The following TRIO variants were observed in gnomAD, a reference collection of about 807,000 sequenced individuals.
TRIO encodes the protein triple functional domain protein.
A neutral mutation model predicts 351.9 loss-of-function variants in TRIO; 58 were observed. The observed-to-expected ratio is 0.16, with a 90% CI of 0.13 to 0.21. The LOEUF (loss-of-function observed/expected upper bound fraction) is 0.21. TRIO is among the 10% of genes least tolerant of loss of function. The pLI, the probability that TRIO is intolerant of heterozygous loss-of-function variation, is 1.00. For missense variants in TRIO, 3,201 were observed against 4,027.8 expected (o/e 0.79, Z 5.56); for synonymous variants, 1,758 against 1,595.7 (o/e 1.10, Z -2.42).
At chr5:14,369,563 T>C (rs1264716857) in intron 18 of TRIO, 40 bp downstream of exon 18, 1 of 1,567,568 alleles carries the variant, frequency 6.4e-7, no homozygotes, top group African/African-American at 1.4e-5. Flanking sequence ...CATCAGAGGC[T>C]TCCTGCCTGC....
At position 14,143,549 on chromosome 5, in the gene TRIO, C is replaced by T. The variant is rs1313646917; in HGVS notation, c.-177C>T. Among the ~76,000 whole-genome samples, 1 of 147,020 alleles carries T rather than the reference C, an allele frequency of 6.8e-6. No individual in the cohort carries two copies. The highest frequency in any genetic ancestry group is 6.7e-5 in the Admixed American group (1 of 14,822). The stretch of plus-strand genomic sequence containing the variant: ...CGGGCGGAGTCCTCGTCTATGTGGG[C>T]GCGCTCCTTGGGCCGAGCCGCCGCC... On this transcript the variant is annotated 5_prime_UTR_variant, in exon 1 of 57. Coordinates refer to ENST00000344204, the MANE Select transcript of TRIO (RefSeq NM_007118.4).
intron 33 of TRIO, among the ~76,000 whole-genome samples, chr5:14,418,147 TTAGAA>T (rs1749793424): frequency 6.6e-6 from 1 of 151,896 alleles, no homozygotes. Context: ...AGTGGGGAGC[TTAGAA>T]TAGAGGGGAC....
chr5:14,178,248 T>C (rs1789524910), intron 1 of TRIO, among the ~76,000 whole-genome samples: 1 of 152,156 alleles, frequency 6.6e-6, no homozygotes, highest in South Asian at 2.1e-4. Context: ...GAGAGGTCAT[T>C]TGTAGGTGAT....
At chr5:14,295,352 A>T (rs1166892886) in intron 6 of TRIO, among the ~76,000 whole-genome samples, 1 of 152,242 alleles carries the variant, frequency 6.6e-6, no homozygotes, top group Non-Finnish European at 1.5e-5. Context: ...GCACATTACC[A>T]TATTGATGTC....
intron 8 of TRIO, among the ~76,000 whole-genome samples, chr5:14,314,731 A>G (rs1199587746): frequency 2.0e-5 from 3 of 152,178 alleles, no homozygotes; most frequent in Non-Finnish European, 2.9e-5. Flanking sequence ...CCACCACCCA[A>G]ATCAATCATG....
At chr5:14,145,659 C>T (rs545435156) in intron 1 of TRIO, among the ~76,000 whole-genome samples, 25 of 152,314 alleles carry the variant, frequency 1.6e-4, no homozygotes, top group African/African-American at 5.1e-4. Flanking sequence ...AATTCAGCTC[C>T]TCTCTGTTAG....
chr5:14,221,129 C>T (rs1371098907), intron 1 of TRIO, among the ~76,000 whole-genome samples: 1 of 152,176 alleles, frequency 6.6e-6, no homozygotes, highest in Non-Finnish European at 1.5e-5. Context: ...TGCCTATGTT[C>T]TGTACATGGA....
intron 1 of TRIO, among the ~76,000 whole-genome samples, chr5:14,184,669 T>A (rs1789998172): frequency 6.6e-6 from 1 of 152,140 alleles, no homozygotes; most frequent in Non-Finnish European, 1.5e-5. Context: ...TGATACAAAG[T>A]CTTAATGTAA....
chr5:14,477,928 AT>A (rs1755213763), intron 41 of TRIO, among the ~76,000 whole-genome samples: 2 of 152,144 alleles, frequency 1.3e-5, no homozygotes, highest in African/African-American at 4.8e-5. Context: ...CAAAATTTTA[AT>A]TTTTTGCTTG....
chr5:14,420,896 G>A (rs1205834925), intron 34 of TRIO: 1 of 152,254 alleles, frequency 6.6e-6, no homozygotes, highest in Non-Finnish European at 1.5e-5. Flanking sequence ...TTCCTGTGGT[G>A]TGTTCTTACT....
At chr5:14,360,603 G>T (rs1744059753) in intron 13 of TRIO, among the ~76,000 whole-genome samples, 1 of 152,220 alleles carries the variant, frequency 6.6e-6, no homozygotes, top group Non-Finnish European at 1.5e-5. Flanking sequence ...GGGATGGCAG[G>T]GCTGTGCGTA....
At position 14,479,829 on chromosome 5, in the gene TRIO, G is replaced by T. The variant is rs26173; in HGVS notation, c.6244-90G>T. 7.1e-6 allele frequency: 8 copies of T among 1,133,572 alleles called. No individual in the cohort carries two copies. The highest frequency in any genetic ancestry group is 1.5e-5 in the African/African-American group (1 of 65,072). The allele number at this position is 1,133,572 out of a possible 1,614,324, so 70.2% of individuals were successfully genotyped here. A position where few individuals can be genotyped will look rare whatever the true frequency, so the allele number is the denominator to read the frequency against. ...TTTTTCCTCGTTACTTTTACTGCCA[G>T]TGTTGTAGTCTTTCTGACAATTACA... On this transcript the variant is annotated intron_variant, in intron 42 of 56. Coordinates refer to ENST00000344204, the MANE Select transcript of TRIO (RefSeq NM_007118.4).
chr5:14,371,466 C>T (rs904309671), intron 18 of TRIO, among the ~76,000 whole-genome samples: 4 of 152,106 alleles, frequency 2.6e-5, no homozygotes, highest in African/African-American at 9.7e-5. Context: ...ATATATCTAC[C>T]TTCAGTGGAT....
rs544963336 is a variant in TRIO at position 14,276,466 on chromosome 5, G to A, written c.233-3856G>A. On this transcript the variant is annotated intron_variant, in intron 2 of 56. Coordinates refer to ENST00000344204, the MANE Select transcript of TRIO (RefSeq NM_007118.4). ...CTGTTAGAGCAGGAGCCCCGTGGGC[G>A]TCCTTTTAACAGAGTTGTATTATTT... 1.2e-4 allele frequency among the ~76,000 whole-genome samples: 18 copies of A among 152,368 alleles called. No individual in the cohort carries two copies. The South Asian group carries it at 2.7e-3, about 23-fold the overall frequency.
intron 1 of TRIO, among the ~76,000 whole-genome samples, chr5:14,244,809 T>C (rs967779652): frequency 3.5e-4 from 54 of 152,202 alleles, no homozygotes; most frequent in African/African-American, 5.1e-4. Context: ...TCTGTGAGGA[T>C]TGGGTCAGGC....
chr5:14,482,676 G>A lies in TRIO; in HGVS notation c.6560G>A (p.Arg2187His), dbSNP rs1177557321. 7 of 1,610,634 alleles carry A rather than the reference G, an allele frequency of 4.3e-6. No homozygotes were observed. Among genetic ancestry groups the A allele is most frequent in the Non-Finnish European group, 5.1e-6 (6 of 1,177,906 alleles). The change falls in exon 46 of 57, where the codon CGC becomes CAC. Residue 2187 changes from arginine to histidine, a missense_variant. Arg to His is a conservative substitution (Grantham distance 29, BLOSUM62 0). This residue lies in a region of TRIO where 1,089 missense variants were observed against 954.9 expected (regional missense o/e 1.14). Transcript: ENST00000344204. ...CTTCTGCCTCGCTGCAGAGAGAGGCGCATCTTCCTCTTTGAGCAGATCGTC... is the reference window on the plus strand; with the variant it reads ...CTTCTGCCTCGCTGCAGAGAGAGGCACATCTTCCTCTTTGAGCAGATCGTC... ...AGLLPRCRER[R>H]IFLFEQIVIF...
chr5:14,324,045 G>T (rs1740143692), intron 9 of TRIO, among the ~76,000 whole-genome samples: 1 of 152,176 alleles, frequency 6.6e-6, no homozygotes, highest in African/African-American at 2.4e-5. Flanking sequence ...TGATAGTCCA[G>T]AAAGCTCAGA....
chr5:14,203,616 T>C (rs1791274333), intron 1 of TRIO, among the ~76,000 whole-genome samples: 1 of 152,266 alleles, frequency 6.6e-6, no homozygotes, highest in African/African-American at 2.4e-5. Flanking sequence ...TAAGAAACAG[T>C]CTTTTAAAAA....
chr5:14,184,278 T>C (rs1258144298), intron 1 of TRIO, among the ~76,000 whole-genome samples: 1 of 152,218 alleles, frequency 6.6e-6, no homozygotes, highest in Non-Finnish European at 1.5e-5. Context: ...GTGCGCTGTT[T>C]GTGTATCCGC....
Sources: allele counts gnomAD v4.1 joint callset (sites outside exome capture counted in the v4.1 genomes callset), GRCh38; gene constraint gnomAD v4.1.1; regional missense constraint gnomAD v4.1.1; transcripts MANE v1.5; gene names NCBI Gene and HGNC (gene_info 2026-07-23, HGNC 2026-07-21).